The following NRXN3 variants were observed in gnomAD, a reference collection of about 807,000 sequenced individuals.
The protein encoded by NRXN3 is neurexin III.
A neutral mutation model predicts 137.6 loss-of-function variants in NRXN3; 32 were observed. The observed-to-expected ratio is 0.23, with a 90% CI of 0.18 to 0.31. The LOEUF is 0.31. Among genes scored for constraint, NRXN3 ranks in the 10% least tolerant of loss-of-function variants. The pLI is 1.00. For synonymous variants in NRXN3, 798 were observed against 784.5 expected, an observed-to-expected ratio of 1.02 and a Z score of -0.29; for missense variants, 1,574 against 2,062.5, an observed-to-expected ratio of 0.76 and a Z score of 4.59.
intron 15 of NRXN3, among the ~76,000 whole-genome samples, chr14:79,257,714 C>A (rs1230059390): frequency 6.6e-6 from 1 of 150,594 alleles, no homozygotes; most frequent in African/African-American, 2.5e-5. Context: ...ACAAATTAGA[C>A]CAGAGGGAAA....
chr14:79,801,805 A>G (rs565303791), intron 19 of NRXN3, among the ~76,000 whole-genome samples: 1 of 152,246 alleles, frequency 6.6e-6, no homozygotes, highest in East Asian at 1.9e-4. Flanking sequence ...AGTGGAGCGC[A>G]GAGAGGGTTA....
chr14:79,293,156 C>G (rs2153462536), intron 15 of NRXN3, among the ~76,000 whole-genome samples: 1 of 152,206 alleles, frequency 6.6e-6, no homozygotes, highest in South Asian at 2.1e-4. Context: ...ACTGGTTAAA[C>G]TAATTATTAT....
At chr14:79,165,896 A>G (rs778008451) in intron 15 of NRXN3, among the ~76,000 whole-genome samples, 2 of 151,988 alleles carry the variant, frequency 1.3e-5, no homozygotes, top group African/African-American at 2.4e-5. Context: ...TGGCTATGCC[A>G]GGTCTCACAA....
intron 4 of NRXN3, among the ~76,000 whole-genome samples, chr14:78,353,181 A>G (rs2083793525): frequency 6.6e-6 from 1 of 152,160 alleles, no homozygotes; most frequent in African/African-American, 2.4e-5. Context: ...AATGCTAAGG[A>G]AAGTCAGGGA....
intron 15 of NRXN3, among the ~76,000 whole-genome samples, chr14:79,260,327 G>T (rs1024789806): frequency 6.6e-6 from 1 of 152,164 alleles, no homozygotes; most frequent in South Asian, 2.1e-4. Flanking sequence ...TGTTAAAAAG[G>T]CAGACACGTC....
chr14:79,169,065 G>T (rs1374843556), intron 15 of NRXN3, among the ~76,000 whole-genome samples: 2 of 152,022 alleles, frequency 1.3e-5, no homozygotes, highest in Admixed American at 6.6e-5. Flanking sequence ...CCTTAATAAT[G>T]GTTTTCTAGA....
intron 4 of NRXN3, among the ~76,000 whole-genome samples, chr14:78,458,960 C>T (rs906706349): frequency 1.3e-5 from 2 of 152,212 alleles, no homozygotes; most frequent in African/African-American, 2.4e-5. Flanking sequence ...CTCTGAGATT[C>T]GACCAATGAT....
At chr14:79,064,283 C>T (rs1297010307) in intron 15 of NRXN3, among the ~76,000 whole-genome samples, 1 of 151,966 alleles carries the variant, frequency 6.6e-6, no homozygotes, top group Admixed American at 6.6e-5. Flanking sequence ...TAATAAAAAC[C>T]AGGTTTAAGA....
chr14:79,375,271 C>A (rs577014165), intron 15 of NRXN3, among the ~76,000 whole-genome samples: 1 of 147,236 alleles, frequency 6.8e-6, no homozygotes, highest in Non-Finnish European at 1.5e-5. Context: ...CAAAACTACA[C>A]CCCCGCCTCC....
chr14:79,103,301 G>A lies in NRXN3; in HGVS notation c.3262+115160G>A, dbSNP rs572737529. Among the ~76,000 whole-genome samples the A allele has an allele frequency of 3.3e-4, 51 of 152,278 alleles. 1 individual carries two copies. Among genetic ancestry groups the A allele is most frequent in the Non-Finnish European group, 5.7e-4 (39 of 68,020 alleles). On this transcript the variant is annotated intron_variant, in intron 15 of 20. Transcript: ENST00000335750. The stretch of plus-strand genomic sequence containing the variant: ...TCCTGTTGGAAAGGAGGGGCCATAT[G>A]TACTTAGGTTTGATGATCAATTAAT...
intron 1 of NRXN3, among the ~76,000 whole-genome samples, chr14:78,173,709 C>CTTTTT (rs10638142): frequency 0.58 from 39,964 of 68,668 alleles, 14,521 homozygotes; most frequent in Non-Finnish European, 0.64. Context: ...TTTTTCCTTG[C>CTTTTT]TTTTTTTTTT....
chr14:79,487,998 G>GAGGTAT (rs1427573982), intron 16 of NRXN3, among the ~76,000 whole-genome samples: 2 of 152,142 alleles, frequency 1.3e-5, no homozygotes, highest in African/African-American at 2.4e-5. Context: ...ATACCTGGGA[G>GAGGTAT]GACAGATTAC....
chr14:79,596,728 G>A (rs2097862311), intron 16 of NRXN3, among the ~76,000 whole-genome samples: 1 of 152,132 alleles, frequency 6.6e-6, no homozygotes, highest in African/African-American at 2.4e-5. Context: ...GGGCTGACCT[G>A]TCTCTGGTCG....
chr14:78,695,948 C>T (rs1248391472), intron 6 of NRXN3, among the ~76,000 whole-genome samples: 1 of 151,986 alleles, frequency 6.6e-6, no homozygotes, highest in Non-Finnish European at 1.5e-5. Context: ...TTGACTTCTT[C>T]ATGTCTTTTC....
intron 4 of NRXN3, among the ~76,000 whole-genome samples, chr14:78,405,613 C>CCGGG (rs1555510781): frequency 2.3e-5 from 3 of 128,872 alleles, no homozygotes; most frequent in South Asian, 5.4e-4. Context: ...GGGGAAGGGG[C>CCGGG]GGGGGGGTTC....
rs145198156 is a variant in NRXN3 at position 78,785,324 on chromosome 14, C to A, written c.2045-18296C>A. On this transcript the variant is annotated intron_variant, in intron 8 of 20. Coordinates refer to ENST00000335750, the MANE Select transcript of NRXN3 (RefSeq NM_001330195.2). ...GAACAGTGTCACTGAGTCATAAAGA[C>A]GGCTCCAAGAGGAAAACTTTGGGCA... 2.8e-3 allele frequency among the ~76,000 whole-genome samples: 431 copies of A among 152,244 alleles called. 4 individuals carry two copies. The highest frequency in any genetic ancestry group is 9.9e-3 in the African/African-American group (411 of 41,548).
At chr14:79,585,158 C>T (rs964012867) in intron 16 of NRXN3, among the ~76,000 whole-genome samples, 2 of 152,096 alleles carry the variant, frequency 1.3e-5, no homozygotes, top group African/African-American at 4.8e-5. Context: ...TTAGGAGCTG[C>T]CCAAAGATGT....
chr14:78,401,377 C>G (rs1426099507), intron 4 of NRXN3, among the ~76,000 whole-genome samples: 2 of 152,146 alleles, frequency 1.3e-5, no homozygotes, highest in African/African-American at 4.8e-5. Context: ...ATTGGCCAGG[C>G]TGATCTTGAA....
chr14:78,523,050 G>C (rs2096308994), intron 4 of NRXN3, among the ~76,000 whole-genome samples: 1 of 152,038 alleles, frequency 6.6e-6, no homozygotes, highest in Non-Finnish European at 1.5e-5. Flanking sequence ...TTTATATGTG[G>C]CTGATACATT....
Sources: allele counts gnomAD v4.1 joint callset (sites outside exome capture counted in the v4.1 genomes callset), GRCh38; gene constraint gnomAD v4.1.1; transcripts MANE v1.5; gene names NCBI Gene and HGNC (gene_info 2026-07-23, HGNC 2026-07-21).